The following PPFIA2 variants were observed in gnomAD, a reference collection of about 807,000 sequenced individuals.
PPFIA2 encodes PPFI scaffold protein A2, also known as liprin-alpha-2.
PPFIA2 carries 46 observed loss-of-function variants against 175.5 expected under a neutral mutation model. The observed-to-expected ratio is 0.26, with a 90% CI of 0.21 to 0.34. The LOEUF (loss-of-function observed/expected upper bound fraction) is 0.34, where lower values mean the gene tolerates loss of function less well. Ranked by LOEUF, PPFIA2 falls within the 10% of genes least tolerant of loss-of-function variation. The probability of loss-of-function intolerance (pLI) is 1.00; values close to 1 mark genes in which losing one functional copy is unlikely to be tolerated. For synonymous variants in PPFIA2, 568 were observed against 511.4 expected (o/e 1.11, Z -1.49); for missense variants, 1,179 against 1,506.1 (o/e 0.78, Z 3.60).
intron 4 of PPFIA2, among the ~76,000 whole-genome samples, chr12:81,473,527 G>A (rs1379125838): frequency 4.6e-5 from 7 of 152,146 alleles, no homozygotes; most frequent in Admixed American, 3.3e-4. Flanking sequence ...AACCACATGT[G>A]TGATAACACT....
At chr12:81,583,773 T>G (rs1470247654) in intron 4 of PPFIA2, among the ~76,000 whole-genome samples, 1 of 151,842 alleles carries the variant, frequency 6.6e-6, no homozygotes, top group Admixed American at 6.6e-5. Flanking sequence ...ACAGTATGTT[T>G]TAGAACTTCA....
chr12:81,406,622 T>C (rs963053351), intron 7 of PPFIA2, among the ~76,000 whole-genome samples: 24 of 152,090 alleles, frequency 1.6e-4, no homozygotes, highest in African/African-American at 5.8e-4. Context: ...GAGTGAAAAA[T>C]AGTATTTCAG....
chr12:81,487,987 T>C (rs1482720803), intron 4 of PPFIA2, among the ~76,000 whole-genome samples: 1 of 151,908 alleles, frequency 6.6e-6, no homozygotes, highest in East Asian at 1.9e-4. Context: ...TTTAAAGTAT[T>C]GATTTAAAAA....
At chr12:81,498,178 T>C (rs1239708569) in intron 4 of PPFIA2, among the ~76,000 whole-genome samples, 5 of 151,860 alleles carry the variant, frequency 3.3e-5, no homozygotes, top group African/African-American at 1.2e-4. Context: ...CTACAAAGAG[T>C]TCTCATATAC....
chr12:81,722,938 A>G (rs2079542837), intron 3 of PPFIA2, among the ~76,000 whole-genome samples: 1 of 151,162 alleles, frequency 6.6e-6, no homozygotes, highest in South Asian at 2.1e-4. Context: ...AAAGATATTA[A>G]TTACCTGTTC....
intron 4 of PPFIA2, among the ~76,000 whole-genome samples, chr12:81,579,268 T>A (rs1219748279): frequency 1.3e-5 from 2 of 151,828 alleles, no homozygotes; most frequent in African/African-American, 4.8e-5. Context: ...ACTCGAGGAA[T>A]AGCAACCACA....
At chr12:81,306,207 T>C (rs905091562) in intron 22 of PPFIA2, among the ~76,000 whole-genome samples, 2 of 152,142 alleles carry the variant, frequency 1.3e-5, no homozygotes, top group African/African-American at 4.8e-5. Flanking sequence ...CCAGGCTTCT[T>C]ACACTGACAT....
rs900555461 is a variant in PPFIA2, at chr12:81,290,622, TTAATA to T, written c.2925+4208_2925+4212del. Among the ~76,000 whole-genome samples, 102 of 151,866 alleles carry T rather than the reference TTAATA, an allele frequency of 6.7e-4. 1 individual carries two copies. The highest frequency in any genetic ancestry group is 2.4e-3 in the African/African-American group (101 of 41,500). On this transcript the variant is annotated intron_variant, in intron 24 of 32. Coordinates refer to ENST00000549396, the MANE Select transcript of PPFIA2 (RefSeq NM_003625.5). ...AGTTGGGAAGGTTATGAATAGAAAA[TTAATA>T]TAAATACCAGATTAATAAGAATATA...
chr12:81,724,652 G>A (rs2079807447), intron 3 of PPFIA2, among the ~76,000 whole-genome samples: 1 of 150,864 alleles, frequency 6.6e-6, no homozygotes, highest in African/African-American at 2.4e-5. Context: ...CAAAAGACAT[G>A]ATTTCATCCT....
chr12:81,451,276 CTGTT>C lies in PPFIA2; in HGVS notation c.406-5560_406-5557del, dbSNP rs1171383958. ...CCCCATTTTCTACCCCTCCCCCTGA[CTGTT>C]TGATAGTTCCTCACAATCCAAATCC... On this transcript the variant is annotated intron_variant, in intron 5 of 32. Coordinates refer to ENST00000549396, the MANE Select transcript of PPFIA2 (RefSeq NM_003625.5). 6.6e-5 allele frequency among the ~76,000 whole-genome samples: 10 copies of C among 152,250 alleles called. No individual in the cohort carries two copies. The East Asian group carries it at 1.2e-3, about 18-fold the overall frequency.
At chr12:81,560,025 T>C (rs2069693758) in intron 4 of PPFIA2, among the ~76,000 whole-genome samples, 1 of 152,208 alleles carries the variant, frequency 6.6e-6, no homozygotes, top group South Asian at 2.1e-4. Context: ...ACTGAAGAGC[T>C]ATGAGCCTTC....
chr12:81,317,626 T>C (rs773825274), intron 22 of PPFIA2, among the ~76,000 whole-genome samples: 2 of 151,628 alleles, frequency 1.3e-5, no homozygotes, highest in Non-Finnish European at 3.0e-5. Context: ...TCAGGTTTGG[T>C]CACCTGGGTA....
intron 4 of PPFIA2, among the ~76,000 whole-genome samples, chr12:81,594,315 T>C (rs555834858): frequency 1.3e-5 from 2 of 152,222 alleles, no homozygotes; most frequent in South Asian, 2.1e-4. Flanking sequence ...CTTTCTCTTG[T>C]TTTCAGTAGG....
chr12:81,715,286 T>C (rs2078456037), intron 3 of PPFIA2, among the ~76,000 whole-genome samples: 1 of 151,826 alleles, frequency 6.6e-6, no homozygotes, highest in Non-Finnish European at 1.5e-5. Flanking sequence ...TTTTCCCATT[T>C]ATTAATCTTA....
chr12:81,263,322 T>A lies in PPFIA2; in HGVS notation c.3624A>T (p.Gly1208=). 1 of 1,612,646 alleles carries A rather than the reference T, an allele frequency of 6.2e-7. No individual in the cohort carries two copies. The highest frequency in any genetic ancestry group is 8.5e-7 in the Non-Finnish European group (1 of 1,178,714). ...CTGAGGACCCAGGCATCATGCTGAT[T>A]CCATGTACTTCACGAGGAGGAAACT... is the stretch of plus-strand genomic sequence containing the variant. ...RRQFPPREVH[G]ISMMPGSSET... is the part of the protein sequence containing the mutation. Residue 1208 remains glycine (G), a synonymous_variant, in exon 31 of 33, where the codon GGA becomes GGT. Coordinates refer to ENST00000549396, the MANE Select transcript of PPFIA2 (RefSeq NM_003625.5).
intron 3 of PPFIA2, among the ~76,000 whole-genome samples, chr12:81,747,397 A>T (rs894752669): frequency 1.4e-5 from 2 of 144,402 alleles, no homozygotes; most frequent in African/African-American, 4.9e-5. Flanking sequence ...AGAACTTTTT[A>T]AAAAGATAAA....
chr12:81,632,741 T>C (rs2063534508), intron 4 of PPFIA2, among the ~76,000 whole-genome samples: 1 of 152,050 alleles, frequency 6.6e-6, no homozygotes, highest in Non-Finnish European at 1.5e-5. Flanking sequence ...GTAGCTGTTT[T>C]AGTGTCTGAG....
intron 4 of PPFIA2, among the ~76,000 whole-genome samples, chr12:81,513,011 G>T (rs2061982031): frequency 6.6e-6 from 1 of 151,910 alleles, no homozygotes; most frequent in Non-Finnish European, 1.5e-5. Context: ...TCTGACAAAG[G>T]AATAATATCC....
chr12:81,383,665 C>T (rs1946604), intron 9 of PPFIA2, among the ~76,000 whole-genome samples: 54,922 of 151,920 alleles, frequency 0.36, 11,502 homozygotes, highest in African/African-American at 0.58. Context: ...CAATTTAAGG[C>T]ATTTTTGTAG....
Sources: gnomAD v4.1 joint callset for allele counts (sites outside exome capture counted in the v4.1 genomes callset) on GRCh38, gnomAD v4.1.1 for gene constraint, MANE v1.5 for transcripts, NCBI Gene and HGNC (gene_info 2026-07-23, HGNC 2026-07-21) for gene names.